ASCC3: variants seen among roughly 807,000 people sequenced by gnomAD.
ASCC3 encodes ASC-1 complex subunit P200.
Under a neutral mutation model 256.3 loss-of-function variants are expected in ASCC3, and 158 were observed. That is an observed-to-expected ratio of 0.62 (90% CI 0.54 to 0.70). ASCC3 has a LOEUF of 0.70. Ranked by LOEUF, ASCC3 falls within the 30% of genes least tolerant of loss-of-function variation. ASCC3 has a pLI of 0.00. For missense variants in ASCC3, 2,259 were observed against 2,626.0 expected, an observed-to-expected ratio of 0.86 and a Z score of 3.05; for synonymous variants, 948 against 883.4, an observed-to-expected ratio of 1.07 and a Z score of -1.30.
At chr6:100,510,655 T>C (rs904917565) in intron 40 of ASCC3, among the ~76,000 whole-genome samples, 2 of 152,206 alleles carry the variant, frequency 1.3e-5, no homozygotes, top group African/African-American at 2.4e-5. Flanking sequence ...TATTCTAATA[T>C]GGTAACATTA....
intron 10 of ASCC3, among the ~76,000 whole-genome samples, chr6:100,727,876 GA>G (rs1335314540): frequency 6.6e-6 from 1 of 151,930 alleles, no homozygotes; most frequent in Non-Finnish European, 1.5e-5. Flanking sequence ...ATTCTAAGGA[GA>G]AAAAAATTTT....
chr6:100,863,936 A>G (rs1582982541), intron 3 of ASCC3, 128 bp downstream of exon 3: 1 of 915,996 alleles, frequency 1.1e-6, no homozygotes, highest in Non-Finnish European at 1.6e-6. Context: ...ACTGTCTTTC[A>G]TAATTATGAA....
chr6:100,700,880 T>C (rs945637875), intron 13 of ASCC3, among the ~76,000 whole-genome samples: 3 of 152,236 alleles, frequency 2.0e-5, no homozygotes, highest in African/African-American at 7.2e-5. Flanking sequence ...GGGATTTCCC[T>C]TGTCTGGATG....
intron 13 of ASCC3, among the ~76,000 whole-genome samples, chr6:100,703,548 T>C (rs1259237099): frequency 6.6e-6 from 1 of 152,016 alleles, no homozygotes; most frequent in African/African-American, 2.4e-5. Flanking sequence ...GCTAAGAAAT[T>C]ATTGCTTTTG....
At chr6:100,751,551 G>T (rs955485498) in intron 10 of ASCC3, among the ~76,000 whole-genome samples, 39 of 151,296 alleles carry the variant, frequency 2.6e-4, no homozygotes, top group African/African-American at 9.5e-4. Context: ...GTCCATAATT[G>T]TACATCCAAT....
At chr6:100,630,257 A>T (rs1336727055) in intron 26 of ASCC3, among the ~76,000 whole-genome samples, 1 of 152,116 alleles carries the variant, frequency 6.6e-6, no homozygotes, top group Non-Finnish European at 1.5e-5. Flanking sequence ...TCCTCTAAGC[A>T]TAATGTTCAC....
intron 4 of ASCC3, among the ~76,000 whole-genome samples, chr6:100,817,483 C>T (rs1425931675): frequency 6.6e-6 from 1 of 151,508 alleles, no homozygotes; most frequent in African/African-American, 2.4e-5. Context: ...TAAAGGAAAC[C>T]AAAGGTGTTC....
chr6:100,586,789 C>T (rs982589457), intron 36 of ASCC3, among the ~76,000 whole-genome samples: 3 of 152,088 alleles, frequency 2.0e-5, no homozygotes, highest in Middle Eastern at 3.2e-3. Context: ...GTTATTAATA[C>T]CCCCAAATCC....
At chr6:100,747,556 A>G (rs1336559510) in intron 10 of ASCC3, among the ~76,000 whole-genome samples, 1 of 152,152 alleles carries the variant, frequency 6.6e-6, no homozygotes, top group Non-Finnish European at 1.5e-5. Context: ...GCAGTACCAA[A>G]AAAATGAACT....
At chr6:100,717,616 T>A (rs1232785482) in intron 12 of ASCC3, among the ~76,000 whole-genome samples, 1 of 151,972 alleles carries the variant, frequency 6.6e-6, no homozygotes, top group Non-Finnish European at 1.5e-5. Flanking sequence ...TAGAACATTG[T>A]AAGTTAAACA....
intron 37 of ASCC3, among the ~76,000 whole-genome samples, chr6:100,532,670 A>G (rs765538538): frequency 6.6e-6 from 1 of 151,912 alleles, no homozygotes; most frequent in Non-Finnish European, 1.5e-5. Context: ...GAATAGCAGT[A>G]CATTTTATGC....
At chr6:100,823,498 T>C (rs1771153308) in intron 4 of ASCC3, among the ~76,000 whole-genome samples, 1 of 152,104 alleles carries the variant, frequency 6.6e-6, no homozygotes, top group Admixed American at 6.6e-5. Flanking sequence ...AGATATGAGA[T>C]TTAAGGGAGA....
At chr6:100,718,357 GAGT>G in intron 11 of ASCC3, 106 bp from the exon 12 acceptor site, 1 of 881,922 alleles carries the variant, frequency 1.1e-6, no homozygotes, top group Non-Finnish European at 1.7e-6. Flanking sequence ...AGACAGAGAT[GAGT>G]GTAGAGGTCA....
chr6:100,871,593 C>T (rs867607252), intron 1 of ASCC3, among the ~76,000 whole-genome samples: 6 of 152,142 alleles, frequency 3.9e-5, no homozygotes, highest in Middle Eastern at 3.4e-3. Flanking sequence ...ACAGTGAGAC[C>T]CCCAACTCTA....
intron 41 of ASCC3, 149 bp downstream of exon 41, chr6:100,509,783 G>C: frequency 1.2e-6 from 1 of 824,588 alleles, no homozygotes; most frequent in East Asian, 2.7e-5. Context: ...AGCTACTCGG[G>C]AGGCTGAGGC....
At chr6:100,578,260 G>C (rs1270594857) in intron 36 of ASCC3, among the ~76,000 whole-genome samples, 2 of 152,146 alleles carry the variant, frequency 1.3e-5, no homozygotes, top group South Asian at 4.1e-4. Flanking sequence ...AATCAATTAA[G>C]TAATTAATTA....
intron 36 of ASCC3, among the ~76,000 whole-genome samples, chr6:100,572,037 T>C (rs896388085): frequency 2.2e-4 from 34 of 152,210 alleles, no homozygotes; most frequent in African/African-American, 8.2e-4. Flanking sequence ...TTGACTCTTA[T>C]AGTAAGACTT....
Position 100,805,873 on chromosome 6 carries a change from T to G in ASCC3, c.809A>C (p.Glu270Ala). 1 of 1,610,888 alleles carries G rather than the reference T, an allele frequency of 6.2e-7. No individual in the cohort carries two copies. The highest frequency in any genetic ancestry group is 8.5e-7 in the Non-Finnish European group (1 of 1,178,464). ...TTCAAGTCCTTCAGGTCCCAGCAGT[T>G]CAAATAGCTTATAAAAAGAGAAAAA... Reference protein sequence around the residue: ...SGDELQDELFELLGPEGLELI... With the variant: ...SGDELQDELFALLGPEGLELI... The change falls in exon 5 of 42, where the codon GAA becomes GCA. Residue 270 changes from glutamate to alanine, a missense_variant. By Grantham distance (107) the Glu-to-Ala change is moderately radical. Around this residue, in one of 2 missense-constraint regions of ASCC3, gnomAD observed 420 missense variants for 419.3 expected, o/e 1.00. Coordinates refer to ENST00000369162, the MANE Select transcript of ASCC3 (RefSeq NM_006828.4).
At position 100,512,702 on chromosome 6, in the gene ASCC3, A is replaced by G; in HGVS notation, c.6285+7T>C. The G allele has an allele frequency of 6.2e-7, 1 of 1,613,852 alleles. No individual in the cohort carries two copies. Among genetic ancestry groups the G allele is most frequent in the Non-Finnish European group, 8.5e-7 (1 of 1,179,744 alleles). On this transcript the variant is annotated splice_region_variant and intron_variant, in intron 40 of 41. Coordinates refer to ENST00000369162, the MANE Select transcript of ASCC3 (RefSeq NM_006828.4). The stretch of plus-strand genomic sequence containing the variant: ...AAATATTTGAGAATGGAAACCAAAC[A>G]CTATACCTTGTGGAACCCAAAGTGG...
Sources: gnomAD v4.1 joint callset for allele counts (sites outside exome capture counted in the v4.1 genomes callset) on GRCh38, gnomAD v4.1.1 for gene constraint, gnomAD v4.1.1 regional missense constraint, MANE v1.5 for transcripts, NCBI Gene and HGNC (gene_info 2026-07-23, HGNC 2026-07-21) for gene names.